The following ADAMTS2 variants were observed in gnomAD, a reference collection of about 807,000 sequenced individuals.
ADAMTS2 encodes ADAM metallopeptidase with thrombospondin type 1 motif 2.
A neutral mutation model predicts 123.0 loss-of-function variants in ADAMTS2; 50 were observed. The observed-to-expected ratio is 0.41, with a 90% CI of 0.32 to 0.51. The LOEUF is 0.51. ADAMTS2 is among the 20% of genes least tolerant of loss of function. The pLI, the probability that ADAMTS2 is intolerant of heterozygous loss-of-function variation, is 0.35. For synonymous variants in ADAMTS2, 678 were observed against 695.4 expected, an observed-to-expected ratio of 0.98 and a Z score of 0.39; for missense variants, 1,494 against 1,705.2, an observed-to-expected ratio of 0.88 and a Z score of 2.18.
chr5:179,328,161 T>G (rs1026943447), intron 2 of ADAMTS2, among the ~76,000 whole-genome samples: 1 of 152,106 alleles, frequency 6.6e-6, no homozygotes, highest in African/African-American at 2.4e-5. Flanking sequence ...GCCTCCCGAG[T>G]AGCTGGGACT....
intron 10 of ADAMTS2, among the ~76,000 whole-genome samples, chr5:179,147,599 G>A (rs1005321581): frequency 1.3e-5 from 2 of 152,200 alleles, no homozygotes; most frequent in African/African-American, 4.8e-5. Flanking sequence ...CACACAGCCT[G>A]TATTCTGCAA....
chr5:179,188,168 G>A lies in ADAMTS2; in HGVS notation c.892-7013C>T, dbSNP rs189662520. Among the ~76,000 whole-genome samples, 2 of 152,296 alleles carry A rather than the reference G, an allele frequency of 1.3e-5. No homozygotes were observed. Among genetic ancestry groups the A allele is most frequent in the East Asian group, 1.9e-4 (1 of 5,172 alleles). ...CTTCAGGAAAGTTCCCATGTCCTTC[G>A]CTCAGCTGAGCTTTGGGCCACCAGA... is the stretch of plus-strand genomic sequence containing the variant. On this transcript the variant is annotated intron_variant, in intron 4 of 21. Transcript: ENST00000251582. The surrounding 1 kb of genome is among the most constrained non-coding windows in gnomAD (Gnocchi z 5.1).
At chr5:179,152,910 G>T (rs1171412780) in intron 9 of ADAMTS2, among the ~76,000 whole-genome samples, 1 of 152,062 alleles carries the variant, frequency 6.6e-6, no homozygotes, top group Non-Finnish European at 1.5e-5. Context: ...TAGCCTCTCC[G>T]GGTCTCTGTT....
In ADAMTS2 at chr5:179,181,233, A is replaced by T. The variant is rs933001440; in HGVS notation, c.892-78T>A. ...TGGCTCTGCCAATGGGATGACCCCC[A>T]CCTGCTCCTTCTTCTTCCCATGCTT... On this transcript the variant is annotated intron_variant, in intron 4 of 21. Transcript: ENST00000251582. This position sits in a 1 kb window ranked among gnomAD's most constrained non-coding sequence, Gnocchi z 4.1. 4.9e-6 allele frequency: 5 copies of T among 1,020,558 alleles called. No individual in the cohort carries two copies. Among genetic ancestry groups the T allele is most frequent in the Non-Finnish European group, 7.8e-6 (5 of 644,586 alleles). 63.2% of individuals were successfully genotyped at this position (1,020,558 alleles called of 1,614,324 possible). A position where few individuals can be genotyped will look rare whatever the true frequency, so the allele number is the denominator to read the frequency against.
chr5:179,322,033 C>T (rs1757195938), intron 2 of ADAMTS2, among the ~76,000 whole-genome samples: 1 of 152,198 alleles, frequency 6.6e-6, no homozygotes, highest in African/African-American at 2.4e-5. Flanking sequence ...ACAATACGAC[C>T]CTTTTGTCAT....
Position 179,172,201 on chromosome 5 carries a change from G to A in ADAMTS2, c.975+8871C>T, listed in dbSNP as rs775313467. ...GTTGCCCGGTGCCCACCACAGGCAT[G>A]AGCTGCCCTGGTTTGCTGGCTATGG... On this transcript the variant is annotated intron_variant, in intron 5 of 21. Coordinates refer to ENST00000251582, the MANE Select transcript of ADAMTS2 (RefSeq NM_014244.5). Among the ~76,000 whole-genome samples the A allele has an allele frequency of 2.0e-5, 3 of 152,238 alleles. 1 individual carries two copies. Among genetic ancestry groups the A allele is most frequent in the African/African-American group, 4.8e-5 (2 of 41,450 alleles).
Position 179,202,132 on chromosome 5 carries a change from G to T in ADAMTS2, c.891+5381C>A, listed in dbSNP as rs956920087. 2.6e-5 allele frequency among the ~76,000 whole-genome samples: 4 copies of T among 152,178 alleles called. No individual in the cohort carries two copies. Among genetic ancestry groups the T allele is most frequent in the Non-Finnish European group, 5.9e-5 (4 of 68,026 alleles). On this transcript the variant is annotated intron_variant, in intron 4 of 21. Coordinates refer to ENST00000251582, the MANE Select transcript of ADAMTS2 (RefSeq NM_014244.5). The surrounding 1 kb of genome is among the most constrained non-coding windows in gnomAD (Gnocchi z 4.0). ...CCCTCCAGTGATTTCCACTGCTCCC[G>T]GAGCCACAGGCGGCTCCCCTCCACC...
chr5:179,327,329 C>T (rs1047441666), intron 2 of ADAMTS2, among the ~76,000 whole-genome samples: 1 of 151,678 alleles, frequency 6.6e-6, no homozygotes, highest in Non-Finnish European at 1.5e-5. Context: ...TTCATAGAGT[C>T]TCCAGGTTGT....
chr5:179,328,735 G>A lies in ADAMTS2; in HGVS notation c.534+15032C>T, dbSNP rs137999228. 3.9e-3 allele frequency among the ~76,000 whole-genome samples: 598 copies of A among 152,324 alleles called. 3 individuals carry two copies. The highest frequency in any genetic ancestry group is 0.014 in the African/African-American group (570 of 41,562). On this transcript the variant is annotated intron_variant, in intron 2 of 21. Transcript: ENST00000251582. ...AAGTGTTCCCAGATAACAATCTGGT[G>A]TAAAATATAATGGAAAAGACCCTAT...
chr5:179,178,204 C>T (rs1419286953), intron 5 of ADAMTS2, among the ~76,000 whole-genome samples: 1 of 152,218 alleles, frequency 6.6e-6, no homozygotes, highest in African/African-American at 2.4e-5. Context: ...TGGGGAAGGC[C>T]GGAACAGGGA....
At chr5:179,160,447 T>C (rs999404229) in intron 5 of ADAMTS2, among the ~76,000 whole-genome samples, 3 of 152,170 alleles carry the variant, frequency 2.0e-5, no homozygotes, top group Non-Finnish European at 4.4e-5. Flanking sequence ...TGAGACTCCG[T>C]CTCAAAACAA....
chr5:179,163,300 T>C (rs2113275303), intron 5 of ADAMTS2, among the ~76,000 whole-genome samples: 1 of 152,226 alleles, frequency 6.6e-6, no homozygotes, highest in Admixed American at 6.5e-5. Flanking sequence ...TACAGAGGAA[T>C]ATTTCCCTAT....
At chr5:179,161,279 A>G (rs920786376) in intron 5 of ADAMTS2, among the ~76,000 whole-genome samples, 1 of 152,040 alleles carries the variant, frequency 6.6e-6, no homozygotes, top group African/African-American at 2.4e-5. Flanking sequence ...GTCTCCAGCT[A>G]GGGGGTGAGC....
intron 5 of ADAMTS2, among the ~76,000 whole-genome samples, chr5:179,164,723 G>A (rs188522460): frequency 6.5e-4 from 99 of 152,314 alleles, no homozygotes; most frequent in African/African-American, 2.1e-3. Flanking sequence ...GTCCCAAGCC[G>A]TAGCTGGGAC....
At chr5:179,204,767 G>GCT (rs1177868091) in intron 4 of ADAMTS2, among the ~76,000 whole-genome samples, 2 of 152,170 alleles carry the variant, frequency 1.3e-5, no homozygotes, top group Non-Finnish European at 2.9e-5. Flanking sequence ...GGGAGCTGGG[G>GCT]CTCAGATCAG....
intron 5 of ADAMTS2, among the ~76,000 whole-genome samples, chr5:179,178,213 G>C (rs1327278418): frequency 6.6e-6 from 1 of 152,202 alleles, no homozygotes; most frequent in East Asian, 1.9e-4. Context: ...CCGGAACAGG[G>C]AACTCCACTG....
chr5:179,135,240 G>A (rs114237549), intron 13 of ADAMTS2, among the ~76,000 whole-genome samples: 4,522 of 151,610 alleles, frequency 0.03, 272 homozygotes, highest in African/African-American at 0.1. Context: ...TCCTGCCGAT[G>A]CGGCTGTTTC....
chr5:179,296,595 C>T (rs1352168071), intron 2 of ADAMTS2, among the ~76,000 whole-genome samples: 2 of 152,084 alleles, frequency 1.3e-5, no homozygotes, highest in Admixed American at 6.5e-5. Flanking sequence ...GCATCCGACT[C>T]GGATAAGGAA....
chr5:179,333,373 T>G (rs1486429259), intron 2 of ADAMTS2, among the ~76,000 whole-genome samples: 5 of 152,186 alleles, frequency 3.3e-5, no homozygotes, highest in African/African-American at 1.2e-4. Flanking sequence ...CCCTCGCTAG[T>G]GAGCACCCGT....
Sources: gnomAD v4.1 joint callset for allele counts (sites outside exome capture counted in the v4.1 genomes callset) on GRCh38, gnomAD v4.1.1 for gene constraint, Gnocchi (gnomAD v3.1) non-coding constraint, MANE v1.5 for transcripts, NCBI Gene and HGNC (gene_info 2026-07-23, HGNC 2026-07-21) for gene names.